Variants in TMED3 observed in about 807,000 individuals in gnomAD.
TMED3 encodes the protein transmembrane p24 trafficking protein 3, also known as transmembrane emp24 domain-containing protein 3.
In TMED3, 9 loss-of-function variants were observed where a neutral mutation model predicts 15.0. That is an observed-to-expected ratio of 0.60 (90% CI 0.36 to 1.04). The LOEUF is 1.04. TMED3 is among the 50% of genes least tolerant of loss of function. The probability of loss-of-function intolerance (pLI) is 0.01; values close to 1 mark genes in which losing one functional copy is unlikely to be tolerated. For missense variants in TMED3, 267 were observed against 278.9 expected (o/e 0.96, Z 0.30); for synonymous variants, 117 against 121.4 (o/e 0.96, Z 0.24).
chr15:79,405,756 A>G (rs985279464), intron 2 of TMED3, among the ~76,000 whole-genome samples: 1 of 152,192 alleles, frequency 6.6e-6, no homozygotes, highest in Non-Finnish European at 1.5e-5. Flanking sequence ...TCATTCATAT[A>G]GTGGGCCATC....
intron 2 of TMED3, among the ~76,000 whole-genome samples, chr15:79,361,169 C>T (rs1255724390): frequency 6.6e-6 from 1 of 152,176 alleles, no homozygotes; most frequent in Non-Finnish European, 1.5e-5. Flanking sequence ...GCCCATATGT[C>T]ACTGATATTT....
chr15:79,369,680 C>A (rs116904725), intron 2 of TMED3, among the ~76,000 whole-genome samples: 1,836 of 152,348 alleles, frequency 0.012, 85 homozygotes, highest in East Asian at 0.11. Flanking sequence ...TGTGTTCACA[C>A]ATAATTATGG....
chr15:79,404,197 G>C (rs1252191163), intron 2 of TMED3, among the ~76,000 whole-genome samples: 1 of 152,224 alleles, frequency 6.6e-6, no homozygotes, highest in Non-Finnish European at 1.5e-5. Context: ...GGGCAGGTTA[G>C]TCAAACCCCT....
At chr15:79,391,779 T>A (rs560914574) in intron 2 of TMED3, among the ~76,000 whole-genome samples, 1 of 152,308 alleles carries the variant, frequency 6.6e-6, no homozygotes, top group African/African-American at 2.4e-5. Flanking sequence ...TTGGTGCATA[T>A]ATGTTTAGAA....
intron 2 of TMED3, among the ~76,000 whole-genome samples, chr15:79,344,626 A>G (rs2058862555): frequency 6.6e-6 from 1 of 152,210 alleles, no homozygotes; most frequent in African/African-American, 2.4e-5. Flanking sequence ...TACTTTAATT[A>G]CATCTGCAGA....
rs2058828376 is a variant in TMED3, at chr15:79,336,714, C to CAA, written c.417+22710_417+22711insAA. ...CAAAACAAACAAACAAACAAACAAA[C>CAA]ACAAAAAACAAACAAAGAAAAAAAC... On this transcript the variant is annotated intron_variant, in intron 2 of 2. Transcript: ENST00000424155. 1.7e-4 allele frequency among the ~76,000 whole-genome samples: 22 copies of CAA among 126,484 alleles called. 1 individual carries two copies. The highest frequency in any genetic ancestry group is 8.4e-4 in the South Asian group (3 of 3,576). 83.0% of individuals were successfully genotyped at this position (126,484 alleles called of 152,430 possible).
At chr15:79,319,507 T>C (rs1403654582) in intron 2 of TMED3, among the ~76,000 whole-genome samples, 1 of 152,072 alleles carries the variant, frequency 6.6e-6, no homozygotes, top group African/African-American at 2.4e-5. Flanking sequence ...TGGGGAGGTG[T>C]AGGGTCCAGC....
intron 2 of TMED3, among the ~76,000 whole-genome samples, chr15:79,380,906 T>G (rs2135889): frequency 0.063 from 9,552 of 152,228 alleles, 419 homozygotes; most frequent in Non-Finnish European, 0.091. Context: ...AATTGTCCCT[T>G]TGACATCCTG....
intron 2 of TMED3, among the ~76,000 whole-genome samples, chr15:79,374,704 G>A (rs1257025695): frequency 6.6e-6 from 1 of 152,192 alleles, no homozygotes; most frequent in Admixed American, 6.5e-5. Context: ...AGGACTTGGG[G>A]GGTTAGGGAT....
At chr15:79,339,060 A>C (rs778447269) in intron 2 of TMED3, among the ~76,000 whole-genome samples, 4 of 152,132 alleles carry the variant, frequency 2.6e-5, no homozygotes, top group Non-Finnish European at 4.4e-5. Context: ...GTCTGCCTTC[A>C]TGTTCCATCC....
At chr15:79,333,956 C>A (rs749648961) in intron 2 of TMED3, among the ~76,000 whole-genome samples, 1 of 152,042 alleles carries the variant, frequency 6.6e-6, no homozygotes, top group Non-Finnish European at 1.5e-5. Context: ...AAAACATATC[C>A]TCCTAAGCAT....
intron 2 of TMED3, among the ~76,000 whole-genome samples, chr15:79,341,469 C>G (rs969465587): frequency 2.6e-5 from 4 of 152,138 alleles, no homozygotes; most frequent in Non-Finnish European, 5.9e-5. Context: ...TAAGAGGGAG[C>G]TTGAGCTTCA....
At chr15:79,368,715 AGTTT>A (rs1258045305) in intron 2 of TMED3, among the ~76,000 whole-genome samples, 1 of 152,154 alleles carries the variant, frequency 6.6e-6, no homozygotes, top group Admixed American at 6.5e-5. Flanking sequence ...TTTAAGAGTT[AGTTT>A]AATTATTTTT....
rs141815560 is a variant in TMED3 at position 79,390,713 on chromosome 15, GT to G, written c.418-20683del. On this transcript the variant is annotated intron_variant, in intron 2 of 2. Transcript: ENST00000424155. ...TAGAATTCTGCGGTGAATCCATGTG[GT>G]TTTGGACTTTTTTTTTAATTTTTAA... Among the ~76,000 whole-genome samples, 1,373 of 152,038 alleles carry G rather than the reference GT, an allele frequency of 9.0e-3. 8 individuals carry two copies. The highest frequency in any genetic ancestry group is 0.015 in the Non-Finnish European group (998 of 67,922).
At chr15:79,373,446 C>G (rs1183078947) in intron 2 of TMED3, among the ~76,000 whole-genome samples, 1 of 152,206 alleles carries the variant, frequency 6.6e-6, no homozygotes, top group African/African-American at 2.4e-5. Context: ...CGCCTCCCAA[C>G]AGTAGTTTAT....
At position 79,398,143 on chromosome 15, in the gene TMED3, C is replaced by A. The variant is rs147563302; in HGVS notation, c.418-13257C>A. Among the ~76,000 whole-genome samples the A allele has an allele frequency of 1.7e-3, 263 of 152,198 alleles. 1 individual carries two copies. The highest frequency in any genetic ancestry group is 0.014 in the Middle Eastern group (4 of 294). On this transcript the variant is annotated intron_variant, in intron 2 of 2. Transcript: ENST00000424155. ...AAACCTCTGCGCTCTACCTATTCAT[C>A]CCTCCTCCTCCATCCAACCCCTGGC...
intron 2 of TMED3, among the ~76,000 whole-genome samples, chr15:79,341,218 A>AAAAG (rs1555422370): frequency 1.5e-5 from 1 of 68,694 alleles, no homozygotes; most frequent in Non-Finnish European, 2.6e-5. Flanking sequence ...AAAAAAAAAA[A>AAAAG]GGTGAAGAAA....
At chr15:79,332,686 A>G (rs2058813870) in intron 2 of TMED3, among the ~76,000 whole-genome samples, 1 of 152,104 alleles carries the variant, frequency 6.6e-6, no homozygotes, top group East Asian at 1.9e-4. Context: ...TAAGTGTCTC[A>G]TGGTGGCCTC....
chr15:79,375,727 A>G (rs28447187), intron 2 of TMED3, among the ~76,000 whole-genome samples: 17,147 of 152,140 alleles, frequency 0.11, 1,034 homozygotes, highest in Admixed American at 0.14. Context: ...AATCATTCAT[A>G]AGAACTCCAT....
Sources: gnomAD v4.1 joint callset for allele counts (sites outside exome capture counted in the v4.1 genomes callset) on GRCh38, gnomAD v4.1.1 for gene constraint, MANE v1.5 for transcripts, NCBI Gene and HGNC (gene_info 2026-07-23, HGNC 2026-07-21) for gene names.